IARS2: variants seen among roughly 807,000 people sequenced by gnomAD.
IARS2 encodes isoleucine--tRNA ligase, mitochondrial.
Under a neutral mutation model 126.3 loss-of-function variants are expected in IARS2, and 56 were observed. That is an observed-to-expected ratio of 0.44 (90% CI 0.36 to 0.55). IARS2 has a LOEUF of 0.55. Ranked by LOEUF, IARS2 falls within the 20% of genes least tolerant of loss-of-function variation. IARS2 has a pLI of 0.00. For synonymous variants in IARS2, 407 were observed against 441.1 expected, an observed-to-expected ratio of 0.92 and a Z score of 0.97; for missense variants, 1,127 against 1,245.9, an observed-to-expected ratio of 0.90 and a Z score of 1.44.
chr1:220,130,039 T>C (rs1488529736), intron 14 of IARS2, among the ~76,000 whole-genome samples: 2 of 152,226 alleles, frequency 1.3e-5, no homozygotes, highest in Non-Finnish European at 2.9e-5. Flanking sequence ...TTTTTGATAA[T>C]AGCCATTCTG....
intron 14 of IARS2, among the ~76,000 whole-genome samples, chr1:220,133,182 C>T (rs1000260667): frequency 6.6e-6 from 1 of 151,792 alleles, no homozygotes; most frequent in Admixed American, 6.6e-5. Flanking sequence ...AGATAATTTT[C>T]GTGTTTTTAG....
intron 10 of IARS2, among the ~76,000 whole-genome samples, 179 bp from the exon 11 acceptor site, chr1:220,110,607 G>T (rs1194155791): frequency 6.6e-6 from 1 of 152,046 alleles, no homozygotes; most frequent in African/African-American, 2.4e-5. Flanking sequence ...CTCGTGATTT[G>T]CCTGCCTCAG....
At chr1:220,131,765 C>T (rs904297284) in intron 14 of IARS2, among the ~76,000 whole-genome samples, 3 of 150,904 alleles carry the variant, frequency 2.0e-5, no homozygotes, top group African/African-American at 7.3e-5. Flanking sequence ...GGATTACAGG[C>T]ATGAGCCACG....
chr1:220,108,829 G>C (rs962446976), intron 10 of IARS2, among the ~76,000 whole-genome samples: 3 of 139,092 alleles, frequency 2.2e-5, no homozygotes, highest in Admixed American at 7.3e-5. Flanking sequence ...ACCTTCTTTA[G>C]GTCTTAAATG....
In IARS2 at chr1:220,139,023, C is replaced by T. The variant is rs778503863; in HGVS notation, c.2191C>T (p.Arg731Cys). The change falls in exon 18 of 23, where the codon CGC (arginine) becomes TGC (cysteine). Residue 731 changes from arginine (R) to cysteine (C), a missense_variant. Transcript: ENST00000366922. ...CTATGAATAGCTTAGGAATACACTT[C>T]GCTTTCTTTTGGGAAATGTGGCTGA... ...DDISKLRNTL[R>C]FLLGNVADFN... is the part of the protein sequence containing the mutation. 10 of 1,613,136 alleles carry T rather than the reference C, an allele frequency of 6.2e-6. No individual in the cohort carries two copies. The highest frequency in any genetic ancestry group is 2.7e-5 in the African/African-American group (2 of 74,880).
intron 2 of IARS2, 60 bp from the exon 3 acceptor site, chr1:220,100,430 T>C: frequency 1.5e-6 from 2 of 1,350,532 alleles, no homozygotes. Flanking sequence ...CTTTGCAGAT[T>C]TTGAAATACA....
At chr1:220,120,061 T>A (rs1657005570) in intron 12 of IARS2, among the ~76,000 whole-genome samples, 1 of 152,028 alleles carries the variant, frequency 6.6e-6, no homozygotes. Flanking sequence ...GCAATTTTTG[T>A]TTTCAAAGCT....
At chr1:220,117,461 A>G (rs1656949365) in intron 12 of IARS2, among the ~76,000 whole-genome samples, 1 of 151,750 alleles carries the variant, frequency 6.6e-6, no homozygotes, top group African/African-American at 2.4e-5. Flanking sequence ...CAGCCTCCCA[A>G]AGTGCTGGGA....
At chr1:220,128,141 G>A (rs2102833489) in intron 14 of IARS2, among the ~76,000 whole-genome samples, 1 of 149,562 alleles carries the variant, frequency 6.7e-6, no homozygotes, top group Admixed American at 6.8e-5. Flanking sequence ...GTATTCTCAG[G>A]ATTTGAAACC....
At chr1:220,138,335 G>C (rs952780430) in intron 17 of IARS2, among the ~76,000 whole-genome samples, 2 of 152,132 alleles carry the variant, frequency 1.3e-5, no homozygotes, top group African/African-American at 4.8e-5. Flanking sequence ...GCTGGGCATG[G>C]TGGCATGCAC....
At position 220,095,951 on chromosome 1, in the gene IARS2, CCT is replaced by C. The variant is rs1397960923; in HGVS notation, c.268-151_268-150del. On this transcript the variant is annotated intron_variant, in intron 1 of 22. Transcript: ENST00000366922. The stretch of plus-strand genomic sequence containing the variant: ...CGTACTTTGACACGCATTTCAGAAA[CCT>C]CACCTTGTATTTCAGAGTTGAGTAG... Among the ~76,000 whole-genome samples, 5 of 152,166 alleles carry C rather than the reference CCT, an allele frequency of 3.3e-5. No individual in the cohort carries two copies. The South Asian group carries it at 8.3e-4, about 25-fold the overall frequency.
At chr1:220,110,061 A>G (rs972256543) in intron 10 of IARS2, among the ~76,000 whole-genome samples, 6 of 150,530 alleles carry the variant, frequency 4.0e-5, no homozygotes, top group Non-Finnish European at 7.4e-5. Context: ...TTTTTATTTT[A>G]TTTTTTTTTG....
chr1:220,127,930 G>T (rs2102833385), intron 14 of IARS2, among the ~76,000 whole-genome samples: 1 of 152,164 alleles, frequency 6.6e-6, no homozygotes, highest in East Asian at 1.9e-4. Context: ...ATATTCGAGA[G>T]AAAATACTGC....
At position 220,102,406 on chromosome 1, in the gene IARS2, C is replaced by CA. The variant is rs1656596918; in HGVS notation, c.744dup (p.Ser249IlefsTer2). The CA allele has an allele frequency of 6.2e-7, 1 of 1,613,616 alleles. No homozygotes were observed. The highest frequency in any genetic ancestry group is 2.2e-5 in the East Asian group (1 of 44,870). ...TACAAACCTGTGTTTTGGTCTCCGTCATCTAGGTATATATGCATTTTTCGG... is the reference window on the plus strand; with the variant it reads ...TACAAACCTGTGTTTTGGTCTCCGTCAATCTAGGTATATATGCATTTTTCGG... On this transcript the variant is annotated frameshift_variant, in exon 5 of 23. Coordinates refer to ENST00000366922, the MANE Select transcript of IARS2 (RefSeq NM_018060.4). LOFTEE classifies it high-confidence loss of function.
intron 3 of IARS2, among the ~76,000 whole-genome samples, chr1:220,101,539 A>C (rs1656570966): frequency 6.6e-6 from 1 of 151,880 alleles, no homozygotes; most frequent in African/African-American, 2.4e-5. Context: ...GTATCTACTA[A>C]AAATACCAAA....
Position 220,145,133 on chromosome 1 carries a change from A to C in IARS2, c.2752-376A>C, listed in dbSNP as rs555676371. On this transcript the variant is annotated intron_variant, in intron 21 of 22. Coordinates refer to ENST00000366922, the MANE Select transcript of IARS2 (RefSeq NM_018060.4). ...GCTGACAGACCTGGGCTTGACCTGC[A>C]GTTCCACCACGTATGGGTTGAGAAT... Among the ~76,000 whole-genome samples the C allele has an allele frequency of 3.3e-5, 5 of 151,056 alleles. 1 individual carries two copies. The South Asian group carries it at 1.0e-3, about 32-fold the overall frequency.
In IARS2 at chr1:220,096,154, G is replaced by A. The variant is rs1345428152; in HGVS notation, c.318G>A (p.Lys106=). 1 of 1,557,672 alleles carries A rather than the reference G, an allele frequency of 6.4e-7. No individual in the cohort carries two copies. Among genetic ancestry groups the A allele is most frequent in the Middle Eastern group, 1.7e-4 (1 of 5,942 alleles). Residue 106 remains lysine, a synonymous_variant, in exon 2 of 23, where the codon AAG becomes AAA. Transcript: ENST00000366922. Reference sequence around the variant, plus strand: ...CATGGCAAAGAGAAAGAAAAGTAAAGACAGAATTTTGCCTTCATGATGGAC... The same window carrying A: ...CATGGCAAAGAGAAAGAAAAGTAAAAACAGAATTTTGCCTTCATGATGGAC... ...LYSWQRERKV[K]TEFCLHDGPP...
intron 12 of IARS2, among the ~76,000 whole-genome samples, chr1:220,120,821 T>A (rs758998703): frequency 4.3e-4 from 66 of 152,352 alleles, no homozygotes; most frequent in Middle Eastern, 3.4e-3. Flanking sequence ...AAATTAACTT[T>A]ATTGTTTTAA....
At chr1:220,098,422 C>T (rs1656498212) in intron 2 of IARS2, among the ~76,000 whole-genome samples, 1 of 152,162 alleles carries the variant, frequency 6.6e-6, no homozygotes, top group Non-Finnish European at 1.5e-5. Context: ...TTACCAGGCT[C>T]TCTTGACTTC....
Sources: allele counts gnomAD v4.1 joint callset (sites outside exome capture counted in the v4.1 genomes callset), GRCh38; gene constraint gnomAD v4.1.1; transcripts MANE v1.5; gene names NCBI Gene and HGNC (gene_info 2026-07-23, HGNC 2026-07-21).